PPIL1: variants seen among roughly 807,000 people sequenced by gnomAD.
PPIL1 encodes peptidyl-prolyl cis-trans isomerase-like 1.
PPIL1 carries 14 observed loss-of-function variants against 19.4 expected under a neutral mutation model. The ratio of observed to expected loss-of-function variants is 0.72; its 90% CI spans 0.48 to 1.13. The LOEUF is 1.13. Among genes scored for constraint, PPIL1 ranks in the 50% most tolerant of loss-of-function variants. PPIL1 has a pLI of 0.00. For synonymous variants in PPIL1, 72 were observed against 73.6 expected (o/e 0.98, Z 0.11); for missense variants, 192 against 218.0 (o/e 0.88, Z 0.75).
Position 36,862,713 on chromosome 6 carries a change from A to G in PPIL1, c.212-6059T>C, listed in dbSNP as rs149557390. On this transcript the variant is annotated intron_variant, in intron 2 of 3. Coordinates refer to ENST00000373699, the MANE Select transcript of PPIL1 (RefSeq NM_016059.5). ...CCTGACAACTCTTCTGGGCTGGTGA[A>G]GAGATGACAATAACTGCTCACTTCC... Among the ~76,000 whole-genome samples, 785 of 152,358 alleles carry G rather than the reference A, an allele frequency of 5.2e-3. 7 individuals carry two copies. The highest frequency in any genetic ancestry group is 0.016 in the African/African-American group (674 of 41,590).
At chr6:36,871,977 G>A (rs1774520587) in intron 1 of PPIL1, 105 bp from the exon 2 acceptor site, 1 of 1,080,110 alleles carries the variant, frequency 9.3e-7, no homozygotes, top group East Asian at 3.1e-5. Flanking sequence ...TGTAAGTCAT[G>A]AAATTGTGAT....
intron 2 of PPIL1, among the ~76,000 whole-genome samples, chr6:36,863,009 G>C (rs1050996359): frequency 6.6e-6 from 1 of 152,162 alleles, no homozygotes; most frequent in African/African-American, 2.4e-5. Context: ...CAGTTCCCCT[G>C]TCTGCAAAAT....
At chr6:36,862,341 T>A (rs1248125535) in intron 2 of PPIL1, among the ~76,000 whole-genome samples, 2 of 152,190 alleles carry the variant, frequency 1.3e-5, no homozygotes, top group Admixed American at 6.5e-5. Flanking sequence ...AGTAGTCTCC[T>A]GAGCATCCCC....
chr6:36,867,986 T>C (rs185254550), intron 2 of PPIL1, among the ~76,000 whole-genome samples: 3 of 151,988 alleles, frequency 2.0e-5, no homozygotes, highest in Admixed American at 1.3e-4. Flanking sequence ...ACAAATGGCA[T>C]GGAAACTAGG....
At chr6:36,857,958 G>A (rs566120678) in intron 2 of PPIL1, among the ~76,000 whole-genome samples, 9 of 152,150 alleles carry the variant, frequency 5.9e-5, no homozygotes, top group Admixed American at 5.9e-4. Context: ...GACCAGGCGC[G>A]GTGGCTCATG....
chr6:36,857,361 G>A (rs1346010339), intron 2 of PPIL1, among the ~76,000 whole-genome samples: 6 of 152,218 alleles, frequency 3.9e-5, no homozygotes, highest in Admixed American at 3.9e-4. Flanking sequence ...ACATCATTAA[G>A]AGAAAACAGG....
chr6:36,874,564 C>A (rs1168118155), intron 1 of PPIL1, among the ~76,000 whole-genome samples, 153 bp downstream of exon 1: 3 of 152,226 alleles, frequency 2.0e-5, no homozygotes, highest in African/African-American at 7.2e-5. Flanking sequence ...ATGGCGGTCC[C>A]CTCTCAACCC....
At chr6:36,864,546 C>T (rs1026736778) in intron 2 of PPIL1, among the ~76,000 whole-genome samples, 2 of 152,142 alleles carry the variant, frequency 1.3e-5, no homozygotes, top group African/African-American at 4.8e-5. Context: ...ACTCTCCAAA[C>T]CAGCACTTCC....
At chr6:36,857,526 G>C (rs1030685341) in intron 2 of PPIL1, among the ~76,000 whole-genome samples, 5 of 152,072 alleles carry the variant, frequency 3.3e-5, no homozygotes, top group Non-Finnish European at 7.4e-5. Context: ...ACGTTGCCCA[G>C]GCTGGTCTCA....
chr6:36,857,781 T>C (rs1423002265), intron 2 of PPIL1, among the ~76,000 whole-genome samples: 3 of 151,958 alleles, frequency 2.0e-5, no homozygotes, highest in Non-Finnish European at 4.4e-5. Context: ...AAACCTTGAC[T>C]CTAAATAAAT....
Position 36,855,617 on chromosome 6 carries a change from C to T in PPIL1, c.*196G>A. 1.7e-6 allele frequency: 1 copy of T among 604,924 alleles called. No individual in the cohort carries two copies. Among genetic ancestry groups the T allele is most frequent in the African/African-American group, 1.8e-5 (1 of 54,060 alleles). The allele number at this position is 604,924 out of a possible 1,614,324, so 37.5% of individuals were successfully genotyped here. A position where few individuals can be genotyped will look rare whatever the true frequency, so the allele number is the denominator to read the frequency against. On this transcript the variant is annotated 3_prime_UTR_variant, in exon 4 of 4. Transcript: ENST00000373699. ...GGCATTTGTGCAAATGCTCTGGCAA[C>T]CTAGGCACTGGGGGAAGAGAAAAGA...
At position 36,870,113 on chromosome 6, in the gene PPIL1, C is replaced by A. The variant is rs1349093319; in HGVS notation, c.211+1605G>T. 9.4e-5 allele frequency among the ~76,000 whole-genome samples: 13 copies of A among 137,728 alleles called. No homozygotes were observed. In the East Asian group the frequency reaches 2.0e-3, roughly 21 times the overall value. 90.4% of individuals were successfully genotyped at this position (137,728 alleles called of 152,430 possible). ...TCCATATACATTAAAAAAAAAAAAACCCAAAAACCTGAATGCTTCTGACCA... is the reference window on the plus strand; with the variant it reads ...TCCATATACATTAAAAAAAAAAAAAACCAAAAACCTGAATGCTTCTGACCA... On this transcript the variant is annotated intron_variant, in intron 2 of 3. Transcript: ENST00000373699.
chr6:36,858,539 T>C (rs1464753837), intron 2 of PPIL1: 3 of 152,128 alleles, frequency 2.0e-5, no homozygotes, highest in African/African-American at 7.2e-5. Flanking sequence ...CTAAGGTGTT[T>C]CCATGGCAAA....
intron 2 of PPIL1, among the ~76,000 whole-genome samples, chr6:36,866,931 T>C (rs1450121884): frequency 6.6e-6 from 1 of 152,080 alleles, no homozygotes; most frequent in Non-Finnish European, 1.5e-5. Context: ...AAATGAGACA[T>C]GGGGTTTTAT....
intron 1 of PPIL1, among the ~76,000 whole-genome samples, chr6:36,874,370 G>A (rs936134735): frequency 2.0e-5 from 3 of 152,176 alleles, no homozygotes; most frequent in Non-Finnish European, 4.4e-5. Flanking sequence ...CTAAAGGCAG[G>A]GCTGTCTGTG....
Position 36,870,937 on chromosome 6 carries a change from T to C in PPIL1, c.211+781A>G, listed in dbSNP as rs143005977. Among the ~76,000 whole-genome samples the C allele has an allele frequency of 2.7e-3, 408 of 152,318 alleles. 2 individuals carry two copies. The highest frequency in any genetic ancestry group is 9.2e-3 in the African/African-American group (384 of 41,570). On this transcript the variant is annotated intron_variant, in intron 2 of 3. Coordinates refer to ENST00000373699, the MANE Select transcript of PPIL1 (RefSeq NM_016059.5). ...CCGTGCCCAGCCTAGAGTGATCCTT[T>C]TAAAGCATAGATCAGATCATGTCTT...
chr6:36,859,284 G>A (rs376772665), intron 2 of PPIL1, among the ~76,000 whole-genome samples: 2 of 152,052 alleles, frequency 1.3e-5, no homozygotes, highest in African/African-American at 4.8e-5. Context: ...AATTAGCCAG[G>A]CGTGGTGGCA....
intron 2 of PPIL1, chr6:36,858,779 C>T (rs944097008): frequency 1.3e-5 from 2 of 152,242 alleles, no homozygotes; most frequent in Non-Finnish European, 1.5e-5. Context: ...CAGTATACTT[C>T]CAAACAGCAA....
chr6:36,856,589 T>TG lies in PPIL1; in HGVS notation c.276dup (p.Thr93HisfsTer31). On this transcript the variant is annotated frameshift_variant, in exon 3 of 4. Transcript: ENST00000373699. LOFTEE classifies it high-confidence loss of function. The stretch of plus-strand genomic sequence containing the variant: ...TCCAGCCAAATTATACACTTACCCG[T>TG]GAATTTCAAGTCTGGATGAAGTTCA... 9 of 1,613,990 alleles carry TG rather than the reference T, an allele frequency of 5.6e-6. No individual in the cohort carries two copies. The highest frequency in any genetic ancestry group is 7.6e-6 in the Non-Finnish European group (9 of 1,179,832).
Sources: gnomAD v4.1 joint callset for allele counts (sites outside exome capture counted in the v4.1 genomes callset) on GRCh38, gnomAD v4.1.1 for gene constraint, MANE v1.5 for transcripts, NCBI Gene and HGNC (gene_info 2026-07-23, HGNC 2026-07-21) for gene names.